SRGAP3: variants seen among roughly 807,000 people sequenced by gnomAD.
The protein encoded by SRGAP3 is SLIT-ROBO Rho GTPase activating protein 3.
Under a neutral mutation model 121.1 loss-of-function variants are expected in SRGAP3, and 39 were observed. The ratio of observed to expected loss-of-function variants is 0.32; its 90% CI spans 0.25 to 0.42. The LOEUF (loss-of-function observed/expected upper bound fraction) is 0.42, where lower values mean the gene tolerates loss of function less well. Among genes scored for constraint, SRGAP3 ranks in the 10% least tolerant of loss-of-function variants. SRGAP3 has a pLI of 1.00. For synonymous variants in SRGAP3, 601 were observed against 570.0 expected (o/e 1.05, Z -0.77); for missense variants, 1,213 against 1,470.6 (o/e 0.82, Z 2.86).
chr3:9,186,482 C>G (rs545687249), intron 1 of SRGAP3, among the ~76,000 whole-genome samples: 7 of 152,194 alleles, frequency 4.6e-5, no homozygotes, highest in African/African-American at 1.7e-4. Flanking sequence ...TTATCAATAT[C>G]ATCTCTTATG....
chr3:9,217,796 GAA>G (rs958275330), intron 1 of SRGAP3: 4 of 152,178 alleles, frequency 2.6e-5, no homozygotes, highest in Non-Finnish European at 5.9e-5. Context: ...CATTGTGACA[GAA>G]TGAGACCTGT....
At chr3:9,226,664 G>A (rs1952997890) in intron 1 of SRGAP3, among the ~76,000 whole-genome samples, 1 of 152,132 alleles carries the variant, frequency 6.6e-6, no homozygotes, top group Admixed American at 6.5e-5. Context: ...CCTCTCCCCA[G>A]TCTACAGACT....
intron 2 of SRGAP3, among the ~76,000 whole-genome samples, chr3:9,108,354 C>T (rs1008960773): frequency 6.6e-6 from 1 of 152,290 alleles, no homozygotes; most frequent in East Asian, 1.9e-4. Context: ...TGCAGTGGCT[C>T]GTGCCTGAGT....
At chr3:9,195,040 T>C (rs987718082) in intron 1 of SRGAP3, among the ~76,000 whole-genome samples, 2 of 152,234 alleles carry the variant, frequency 1.3e-5, no homozygotes, top group African/African-American at 4.8e-5. Flanking sequence ...CTTGAGTATT[T>C]GCCACTTTCC....
chr3:9,032,692 A>G lies in SRGAP3; in HGVS notation c.1497T>C (p.Tyr499=). ...KMRRPRPLSV[Y]SHKLFNGSME... The stretch of plus-strand genomic sequence containing the variant: ...TACTGCCGTTAAAGAGTTTATGGCT[A>G]TACACTGAGAGAGGCCTAGGTCTCC... The change falls in exon 12 of 22, where the codon TAT becomes TAC. Residue 499 remains tyrosine (Y), a synonymous_variant. Transcript: ENST00000383836. 6.2e-7 allele frequency: 1 copy of G among 1,613,554 alleles called. No individual in the cohort carries two copies. Among genetic ancestry groups the G allele is most frequent in the Non-Finnish European group, 8.5e-7 (1 of 1,179,834 alleles).
At chr3:9,046,398 T>A (rs1386824428) in intron 10 of SRGAP3, among the ~76,000 whole-genome samples, 1 of 152,196 alleles carries the variant, frequency 6.6e-6, no homozygotes, top group African/African-American at 2.4e-5. Context: ...GGGGCAGGAA[T>A]AAGCTTGGTG....
At chr3:9,324,603 G>A (rs749294239) in intron 3 of SRGAP3, among the ~76,000 whole-genome samples, 1 of 151,814 alleles carries the variant, frequency 6.6e-6, no homozygotes, top group Non-Finnish European at 1.5e-5. Flanking sequence ...TTCGTTTGTC[G>A]GGGCCTAGTG....
In SRGAP3 at chr3:8,990,801, C is replaced by T. The variant is rs556214461; in HGVS notation, c.2597G>A (p.Arg866His). 161 of 1,582,848 alleles carry T rather than the reference C, an allele frequency of 1.0e-4. No homozygotes were observed. Among genetic ancestry groups the T allele is most frequent in the Non-Finnish European group, 1.1e-4 (132 of 1,166,232 alleles). ...GCTGTGTGTGTCGCCCCCGCTTCGG[C>T]GTCTGGGGATGGCTGCTCCATCAGA... ...LRSDGAAIPR[R>H]RSGGDTHSPP... The change falls in exon 21 of 22, where the codon CGC (arginine) becomes CAC (histidine). Residue 866 changes from arginine to histidine, a missense_variant. Physicochemically the swap from Arg to His is conservative, Grantham distance 29. Around this residue, in one of 2 missense-constraint regions of SRGAP3, gnomAD observed 420 missense variants for 437.7 expected, o/e 0.96. Coordinates refer to ENST00000383836, the MANE Select transcript of SRGAP3 (RefSeq NM_014850.4).
intron 1 of SRGAP3, among the ~76,000 whole-genome samples, chr3:9,174,529 C>T (rs972695047): frequency 3.3e-5 from 5 of 152,182 alleles, no homozygotes; most frequent in Non-Finnish European, 7.3e-5. Flanking sequence ...ACCACCACCA[C>T]CACTACTTAG....
intron 4 of SRGAP3, 131 bp downstream of exon 4, chr3:9,079,894 C>T (rs1251793603): frequency 7.0e-6 from 6 of 852,642 alleles, no homozygotes; most frequent in African/African-American, 1.7e-5. Context: ...CGATGACCCA[C>T]TGTCACTCAG....
At chr3:9,307,542 G>A (rs926743971) in intron 3 of SRGAP3, among the ~76,000 whole-genome samples, 7 of 152,148 alleles carry the variant, frequency 4.6e-5, no homozygotes, top group African/African-American at 1.7e-4. Flanking sequence ...TCTATTTAAA[G>A]AGAAGATTAA....
chr3:9,143,969 C>T (rs1329189307), intron 1 of SRGAP3, among the ~76,000 whole-genome samples: 1 of 152,184 alleles, frequency 6.6e-6, no homozygotes, highest in Non-Finnish European at 1.5e-5. Context: ...CCACTGCCAT[C>T]ATCCTAGTTA....
chr3:9,028,359 G>C (rs976928143), intron 12 of SRGAP3, among the ~76,000 whole-genome samples: 1 of 152,178 alleles, frequency 6.6e-6, no homozygotes, highest in Non-Finnish European at 1.5e-5. Flanking sequence ...GCCTTCCCAT[G>C]TGGCTGCCTT....
At chr3:9,039,217 C>T (rs1295096873) in intron 10 of SRGAP3, among the ~76,000 whole-genome samples, 1 of 152,202 alleles carries the variant, frequency 6.6e-6, no homozygotes, top group Non-Finnish European at 1.5e-5. Context: ...CTACTCTTCA[C>T]TTTCATGACT....
At chr3:9,067,799 A>G (rs529682559) in intron 4 of SRGAP3, among the ~76,000 whole-genome samples, 1 of 152,252 alleles carries the variant, frequency 6.6e-6, no homozygotes, top group South Asian at 2.1e-4. Context: ...CCTGGAACTT[A>G]AAATAAAAAT....
intron 1 of SRGAP3, among the ~76,000 whole-genome samples, chr3:9,211,006 T>C (rs892559719): frequency 2.6e-5 from 4 of 152,186 alleles, no homozygotes; most frequent in African/African-American, 9.7e-5. Context: ...AAACAAGTAA[T>C]GACAATGTTC....
intron 3 of SRGAP3, among the ~76,000 whole-genome samples, chr3:9,315,060 G>A (rs1379975242): frequency 6.6e-6 from 1 of 152,178 alleles, no homozygotes; most frequent in Non-Finnish European, 1.5e-5. Context: ...AAACTATACT[G>A]GTCAGGCTGG....
intron 3 of SRGAP3, among the ~76,000 whole-genome samples, chr3:9,297,055 C>A (rs1331530539): frequency 6.6e-6 from 1 of 152,166 alleles, no homozygotes; most frequent in Admixed American, 6.5e-5. Context: ...CAGCTAATTT[C>A]TTTATTTTTT....
intron 3 of SRGAP3, among the ~76,000 whole-genome samples, chr3:9,273,182 C>T (rs909045176): frequency 2.0e-5 from 3 of 152,176 alleles, no homozygotes; most frequent in African/African-American, 4.8e-5. Context: ...ATAGGGTTTG[C>T]GCTCCTATGA....
Sources: allele counts gnomAD v4.1 joint callset (sites outside exome capture counted in the v4.1 genomes callset), GRCh38; gene constraint gnomAD v4.1.1; regional missense constraint gnomAD v4.1.1; transcripts MANE v1.5; gene names NCBI Gene and HGNC (gene_info 2026-07-23, HGNC 2026-07-21).